The following EPYC variants were observed in gnomAD, a reference collection of about 807,000 sequenced individuals.
The protein encoded by EPYC is epiphycan, also known as dermatan sulfate proteoglycan 3.
A neutral mutation model predicts 30.1 loss-of-function variants in EPYC; 28 were observed. The ratio of observed to expected loss-of-function variants is 0.93; its 90% CI spans 0.69 to 1.28. EPYC has a LOEUF of 1.28. Ranked by LOEUF, EPYC falls within the 50% of genes most tolerant of loss-of-function variation. The pLI is 0.00. For synonymous variants in EPYC, 144 were observed against 141.4 expected, an observed-to-expected ratio of 1.02 and a Z score of -0.13; for missense variants, 382 against 383.5, an observed-to-expected ratio of 1.00 and a Z score of 0.03.
At chr12:90,998,863 A>G (rs1433258258) in intron 2 of EPYC, among the ~76,000 whole-genome samples, 1 of 151,976 alleles carries the variant, frequency 6.6e-6, no homozygotes, top group Non-Finnish European at 1.5e-5. Context: ...CAAGGTGATG[A>G]CTAGGGCTGT....
At chr12:90,993,845 A>C (rs1362386017) in intron 2 of EPYC, among the ~76,000 whole-genome samples, 1 of 152,096 alleles carries the variant, frequency 6.6e-6, no homozygotes, top group African/African-American at 2.4e-5. Context: ...GCATTTATTC[A>C]TGTAAGTAAC....
At chr12:90,981,079 T>C (rs1877314075) in intron 2 of EPYC, among the ~76,000 whole-genome samples, 1 of 152,122 alleles carries the variant, frequency 6.6e-6, no homozygotes, top group Admixed American at 6.6e-5. Context: ...TAGCCTTTGC[T>C]TAGGGAGTAC....
intron 2 of EPYC, among the ~76,000 whole-genome samples, chr12:90,999,847 T>C (rs1877781920): frequency 6.6e-6 from 1 of 152,112 alleles, no homozygotes; most frequent in Non-Finnish European, 1.5e-5. Flanking sequence ...AATTTGTTAA[T>C]ATCTGAGCTA....
chr12:90,964,149 T>A lies in EPYC; in HGVS notation c.*7A>T. ...GTAGCCATCGTAATGCTAACCATTA[T>A]CTGAAATTAGACAAGGCTCCCAACA... is the stretch of plus-strand genomic sequence containing the variant. On this transcript the variant is annotated 3_prime_UTR_variant, in exon 7 of 7. Transcript: ENST00000261172. 6.2e-7 allele frequency: 1 copy of A among 1,607,986 alleles called. No homozygotes were observed. The highest frequency in any genetic ancestry group is 8.5e-7 in the Non-Finnish European group (1 of 1,175,732).
intron 6 of EPYC, among the ~76,000 whole-genome samples, chr12:90,966,857 C>T (rs1357198492): frequency 6.6e-6 from 1 of 151,996 alleles, no homozygotes; most frequent in Non-Finnish European, 1.5e-5. Context: ...TAGTCAATTT[C>T]AATAGCTTGC....
At chr12:91,002,147 G>A (rs1383715816) in intron 2 of EPYC, among the ~76,000 whole-genome samples, 6 of 126,832 alleles carry the variant, frequency 4.7e-5, no homozygotes, top group African/African-American at 1.9e-4. Context: ...CCAAGACTGC[G>A]ACACTGCATT....
intron 2 of EPYC, among the ~76,000 whole-genome samples, chr12:90,981,486 A>T (rs1003357501): frequency 2.0e-5 from 3 of 152,178 alleles, no homozygotes; most frequent in Admixed American, 2.0e-4. Context: ...GATAATCACC[A>T]TTGTTGTCCA....
chr12:90,994,384 T>C (rs1473384067), intron 2 of EPYC, among the ~76,000 whole-genome samples: 2 of 152,216 alleles, frequency 1.3e-5, no homozygotes, highest in Admixed American at 6.6e-5. Context: ...TTTATCTTAC[T>C]TAATCCTCAA....
chr12:90,984,053 C>T (rs1328463200), intron 2 of EPYC, among the ~76,000 whole-genome samples: 1 of 152,090 alleles, frequency 6.6e-6, no homozygotes, highest in African/African-American at 2.4e-5. Context: ...CTCTTCCAAC[C>T]CTGGAGATCC....
intron 2 of EPYC, among the ~76,000 whole-genome samples, chr12:90,984,285 C>T (rs541202617): frequency 1.5e-4 from 23 of 152,222 alleles, no homozygotes; most frequent in South Asian, 4.2e-4. Flanking sequence ...GCAACTATTC[C>T]GATCAGCAGG....
At chr12:90,982,632 C>G (rs1877348473) in intron 2 of EPYC, among the ~76,000 whole-genome samples, 1 of 151,986 alleles carries the variant, frequency 6.6e-6, no homozygotes, top group Admixed American at 6.6e-5. Context: ...CCTACATTTC[C>G]CCATTTCCCT....
At chr12:90,996,665 C>T (rs1877699161) in intron 2 of EPYC, among the ~76,000 whole-genome samples, 1 of 151,850 alleles carries the variant, frequency 6.6e-6, no homozygotes. Context: ...CTTCTCTTTA[C>T]AAGGATGATT....
chr12:90,988,167 G>A (rs929943994), intron 2 of EPYC, among the ~76,000 whole-genome samples: 2 of 151,884 alleles, frequency 1.3e-5, no homozygotes, highest in Non-Finnish European at 2.9e-5. Context: ...TAAGGCCAGA[G>A]ATAGTCATAT....
chr12:90,969,897 A>G (rs1876993244), intron 6 of EPYC, 147 bp downstream of exon 6: 3 of 648,576 alleles, frequency 4.6e-6, no homozygotes, highest in African/African-American at 1.8e-5. Context: ...TCAGATAAAG[A>G]GAGAGAATAA....
chr12:90,989,010 C>T (rs1214459670), intron 2 of EPYC, among the ~76,000 whole-genome samples: 5 of 152,066 alleles, frequency 3.3e-5, no homozygotes, highest in Non-Finnish European at 7.4e-5. Flanking sequence ...TCTCACCCAT[C>T]ATGTAGATAT....
chr12:90,990,806 C>T (rs1041649771), intron 2 of EPYC, among the ~76,000 whole-genome samples: 4 of 151,968 alleles, frequency 2.6e-5, no homozygotes, highest in African/African-American at 7.3e-5. Context: ...GATAAAAAAA[C>T]ACCCTGCCAA....
At chr12:90,973,064 T>C in intron 3 of EPYC, 84 bp from the exon 4 acceptor site, 2 of 883,642 alleles carry the variant, frequency 2.3e-6, no homozygotes, top group Middle Eastern at 2.5e-4. Context: ...TACACAAGAT[T>C]AGAGTCTCCC....
At chr12:90,979,941 A>G (rs549819232) in intron 2 of EPYC, among the ~76,000 whole-genome samples, 7 of 152,326 alleles carry the variant, frequency 4.6e-5, no homozygotes, top group African/African-American at 1.2e-4. Flanking sequence ...ACAAAAACAG[A>G]TTATACTGTC....
intron 3 of EPYC, among the ~76,000 whole-genome samples, chr12:90,977,486 A>G (rs1017578884): frequency 1.3e-5 from 2 of 152,120 alleles, no homozygotes; most frequent in Admixed American, 6.6e-5. Flanking sequence ...AAATAAATAA[A>G]CAGCCAAGAA....
Sources: gnomAD v4.1 joint callset for allele counts (sites outside exome capture counted in the v4.1 genomes callset) on GRCh38, gnomAD v4.1.1 for gene constraint, MANE v1.5 for transcripts, NCBI Gene and HGNC (gene_info 2026-07-23, HGNC 2026-07-21) for gene names.